Variants in CNTNAP2 observed in about 807,000 individuals in gnomAD.
The protein encoded by CNTNAP2 is contactin-associated protein-like 2.
In CNTNAP2, 98 loss-of-function variants were observed where a neutral mutation model predicts 155.2. The observed-to-expected ratio is 0.63, with a 90% CI of 0.54 to 0.75. The LOEUF is 0.75. CNTNAP2 is among the 30% of genes least tolerant of loss of function. The pLI, the probability that CNTNAP2 is intolerant of heterozygous loss-of-function variation, is 0.00. For missense variants in CNTNAP2, 1,727 were observed against 1,688.1 expected, an observed-to-expected ratio of 1.02 and a Z score of -0.40; for synonymous variants, 651 against 631.2, an observed-to-expected ratio of 1.03 and a Z score of -0.47.
rs28576024 is a variant in CNTNAP2, at chr7:146,863,046, A to T, written c.402+23142A>T. 5.6e-3 allele frequency among the ~76,000 whole-genome samples: 849 copies of T among 152,306 alleles called. 8 individuals carry two copies. The highest frequency in any genetic ancestry group is 0.019 in the African/African-American group (783 of 41,560). ...ACAGAAATAATGAGTGATCTTATTA[A>T]TTTGGGACCTGTCTAATGTGGGTTT... On this transcript the variant is annotated intron_variant, in intron 3 of 23. Transcript: ENST00000361727.
intron 12 of CNTNAP2, among the ~76,000 whole-genome samples, chr7:147,608,576 A>G (rs1321891006): frequency 2.0e-5 from 3 of 152,120 alleles, no homozygotes; most frequent in Non-Finnish European, 4.4e-5. Flanking sequence ...AGCTGGGATA[A>G]TAGGTATCAG....
intron 3 of CNTNAP2, among the ~76,000 whole-genome samples, chr7:146,940,513 G>A (rs752278708): frequency 2.0e-5 from 3 of 151,926 alleles, no homozygotes; most frequent in African/African-American, 4.8e-5. Context: ...TTAACAGAGT[G>A]TTAAAGGTGG....
intron 11 of CNTNAP2, among the ~76,000 whole-genome samples, chr7:147,527,453 C>T (rs763694976): frequency 1.7e-4 from 26 of 152,096 alleles, no homozygotes; most frequent in Non-Finnish European, 2.8e-4. Context: ...TCTCAGTATG[C>T]GCAGCGTTAT....
intron 8 of CNTNAP2, among the ~76,000 whole-genome samples, chr7:147,147,451 C>A (rs1335098346): frequency 6.6e-6 from 1 of 152,100 alleles, no homozygotes; most frequent in Non-Finnish European, 1.5e-5. Flanking sequence ...TTATTTAATT[C>A]AATAAATGAT....
intron 9 of CNTNAP2, among the ~76,000 whole-genome samples, chr7:147,346,402 C>T (rs1795864106): frequency 6.6e-6 from 1 of 151,992 alleles, no homozygotes; most frequent in South Asian, 2.1e-4. Flanking sequence ...GATCCACCCG[C>T]CTCGGCCTCC....
intron 1 of CNTNAP2, among the ~76,000 whole-genome samples, chr7:146,305,090 G>A (rs570300477): frequency 3.3e-5 from 5 of 151,962 alleles, no homozygotes; most frequent in East Asian, 1.9e-4. Context: ...CATGCATCAC[G>A]TCGTTCTCAT....
At chr7:146,497,934 C>T (rs1433661242) in intron 1 of CNTNAP2, among the ~76,000 whole-genome samples, 4 of 149,856 alleles carry the variant, frequency 2.7e-5, no homozygotes, top group Non-Finnish European at 5.9e-5. Context: ...CTAACATATA[C>T]ATAAACATAG....
chr7:147,068,832 T>C (rs1347273662), intron 4 of CNTNAP2, among the ~76,000 whole-genome samples: 1 of 152,190 alleles, frequency 6.6e-6, no homozygotes, highest in African/African-American at 2.4e-5. Flanking sequence ...AAATACATCT[T>C]AATATTTGTG....
chr7:147,014,220 TA>T (rs1413426024), intron 3 of CNTNAP2, among the ~76,000 whole-genome samples: 1 of 152,098 alleles, frequency 6.6e-6, no homozygotes, highest in Non-Finnish European at 1.5e-5. Context: ...CAGCAGGAAT[TA>T]AAATTTCAGG....
chr7:146,125,072 G>A (rs960492793), intron 1 of CNTNAP2, among the ~76,000 whole-genome samples: 2 of 152,092 alleles, frequency 1.3e-5, no homozygotes, highest in Admixed American at 6.5e-5. Context: ...ATGTTAAAAC[G>A]AATGCTTAAC....
At chr7:146,515,750 T>A (rs1797532021) in intron 1 of CNTNAP2, among the ~76,000 whole-genome samples, 1 of 151,994 alleles carries the variant, frequency 6.6e-6, no homozygotes, top group South Asian at 2.1e-4. Context: ...AAACCACTGG[T>A]CCTATGGAAA....
intron 14 of CNTNAP2, among the ~76,000 whole-genome samples, chr7:147,951,427 C>T (rs1033534236): frequency 3.9e-5 from 6 of 152,088 alleles, no homozygotes; most frequent in Non-Finnish European, 7.4e-5. Flanking sequence ...TCCAAACCTC[C>T]GTATAATCAA....
intron 1 of CNTNAP2, among the ~76,000 whole-genome samples, chr7:146,468,341 C>A (rs1796745116): frequency 6.6e-6 from 1 of 151,826 alleles, no homozygotes; most frequent in African/African-American, 2.4e-5. Context: ...TGCTTAGTAC[C>A]TGGGTGACTG....
At chr7:146,144,195 C>T (rs1797923352) in intron 1 of CNTNAP2, among the ~76,000 whole-genome samples, 1 of 151,992 alleles carries the variant, frequency 6.6e-6, no homozygotes, top group African/African-American at 2.4e-5. Context: ...TTTGTTGCCC[C>T]AGCTGGAGTG....
At position 148,200,383 on chromosome 7, in the gene CNTNAP2, C is replaced by T. The variant is rs552363210; in HGVS notation, c.3011-16905C>T. On this transcript the variant is annotated intron_variant, in intron 18 of 23. Coordinates refer to ENST00000361727, the MANE Select transcript of CNTNAP2 (RefSeq NM_014141.6). The stretch of plus-strand genomic sequence containing the variant: ...AAAATTACAAATGTGGGTCCCATTA[C>T]ACTTCTTTTCTTTCTTTCTCTCTCT... 1.7e-3 allele frequency among the ~76,000 whole-genome samples: 258 copies of T among 151,724 alleles called. 1 individual carries two copies. The highest frequency in any genetic ancestry group is 5.6e-3 in the African/African-American group (230 of 41,404).
chr7:147,256,537 A>T (rs1195322725), intron 8 of CNTNAP2, among the ~76,000 whole-genome samples: 3 of 152,330 alleles, frequency 2.0e-5, no homozygotes, highest in Non-Finnish European at 4.4e-5. Context: ...AGCAGGCTTG[A>T]GTCAAGAGTG....
chr7:147,549,892 A>C (rs182682005), intron 11 of CNTNAP2, among the ~76,000 whole-genome samples: 3 of 152,296 alleles, frequency 2.0e-5, no homozygotes, highest in East Asian at 3.9e-4. Flanking sequence ...TATTTGAATT[A>C]TTTGGTTGCA....
At chr7:146,814,459 A>G (rs1022282146) in intron 2 of CNTNAP2, among the ~76,000 whole-genome samples, 1 of 152,190 alleles carries the variant, frequency 6.6e-6, no homozygotes, top group African/African-American at 2.4e-5. Context: ...ATTGATAACA[A>G]TAATATAGAG....
chr7:146,876,266 T>C (rs557300730), intron 3 of CNTNAP2, among the ~76,000 whole-genome samples: 2 of 152,212 alleles, frequency 1.3e-5, no homozygotes, highest in Admixed American at 1.3e-4. Flanking sequence ...CTGAAGGTCA[T>C]ATTCTTGCTG....
Sources: gnomAD v4.1 joint callset for allele counts (sites outside exome capture counted in the v4.1 genomes callset) on GRCh38, gnomAD v4.1.1 for gene constraint, MANE v1.5 for transcripts, NCBI Gene and HGNC (gene_info 2026-07-23, HGNC 2026-07-21) for gene names.